Variants in PLEKHA7 observed in about 807,000 individuals in gnomAD.
PLEKHA7 encodes pleckstrin homology domain-containing family A member 7.
Under a neutral mutation model 170.0 loss-of-function variants are expected in PLEKHA7, and 104 were observed. The observed-to-expected ratio is 0.61, with a 90% CI of 0.52 to 0.72. The LOEUF (loss-of-function observed/expected upper bound fraction) is 0.72. PLEKHA7 is among the 30% of genes least tolerant of loss of function. The pLI, the probability that PLEKHA7 is intolerant of heterozygous loss-of-function variation, is 0.00. For synonymous variants in PLEKHA7, 648 were observed against 660.8 expected, an observed-to-expected ratio of 0.98 and a Z score of 0.30; for missense variants, 1,615 against 1,671.7, an observed-to-expected ratio of 0.97 and a Z score of 0.59.
At chr11:16,806,748 C>T (rs1397597850) in intron 13 of PLEKHA7, among the ~76,000 whole-genome samples, 1 of 152,222 alleles carries the variant, frequency 6.6e-6, no homozygotes, top group East Asian at 1.9e-4. Flanking sequence ...CTCAGGGCCA[C>T]CGTGGCATCT....
intron 9 of PLEKHA7, among the ~76,000 whole-genome samples, chr11:16,836,291 G>C (rs1336364991): frequency 2.0e-5 from 3 of 152,246 alleles, no homozygotes; most frequent in Non-Finnish European, 4.4e-5. Flanking sequence ...ATGACTTCTA[G>C]TGATACTGTC....
chr11:16,826,305 T>C lies in PLEKHA7; in HGVS notation c.1158A>G (p.Ala386=). ...DLPTGPRGQQ[A]QPQRAEKNGM... Reference sequence around the variant, plus strand: ...CATTCTTCTCTGCCCGTTGGGGCTGTGCCTGCTGGCCTCTTGGGCCAGTGG... The same window carrying C: ...CATTCTTCTCTGCCCGTTGGGGCTGCGCCTGCTGGCCTCTTGGGCCAGTGG... Residue 386 remains alanine (A), a synonymous_variant, in exon 10 of 27, where the codon GCA becomes GCG. Transcript: ENST00000531066. 3.1e-6 allele frequency: 5 copies of C among 1,614,266 alleles called. No individual in the cohort carries two copies. The highest frequency in any genetic ancestry group is 1.1e-5 in the South Asian group (1 of 91,088).
At chr11:16,858,908 T>C (rs1207975173) in intron 4 of PLEKHA7, among the ~76,000 whole-genome samples, 1 of 152,144 alleles carries the variant, frequency 6.6e-6, no homozygotes. Flanking sequence ...CTCCCCATAC[T>C]AGCTTCTGGG....
chr11:16,874,865 C>A (rs1316619031), intron 3 of PLEKHA7, among the ~76,000 whole-genome samples: 1 of 152,158 alleles, frequency 6.6e-6, no homozygotes, highest in Non-Finnish European at 1.5e-5. Context: ...GTGCCTGGGG[C>A]AGATCCAGCA....
intron 10 of PLEKHA7, among the ~76,000 whole-genome samples, chr11:16,825,007 T>C (rs1214997347): frequency 2.0e-5 from 3 of 152,228 alleles, no homozygotes; most frequent in Non-Finnish European, 2.9e-5. Flanking sequence ...TCATTCTCAG[T>C]TGGGAATGGG....
intron 3 of PLEKHA7, among the ~76,000 whole-genome samples, chr11:16,919,857 G>A (rs1858959556): frequency 6.6e-6 from 1 of 152,038 alleles, no homozygotes; most frequent in Non-Finnish European, 1.5e-5. Flanking sequence ...GATGAGAGAG[G>A]GAATGACAAA....
At chr11:16,884,335 A>G (rs924204916) in intron 3 of PLEKHA7, among the ~76,000 whole-genome samples, 3 of 152,254 alleles carry the variant, frequency 2.0e-5, no homozygotes, top group Non-Finnish European at 2.9e-5. Context: ...AAAATTTCAT[A>G]TAAAATTTCA....
At chr11:16,899,428 C>T (rs1590536121) in intron 3 of PLEKHA7, among the ~76,000 whole-genome samples, 2 of 152,092 alleles carry the variant, frequency 1.3e-5, no homozygotes, top group Non-Finnish European at 2.9e-5. Context: ...ACCTGGGAGG[C>T]GGAGGTTGTG....
chr11:16,780,751 T>A (rs181246109), intron 26 of PLEKHA7, among the ~76,000 whole-genome samples: 1 of 152,262 alleles, frequency 6.6e-6, no homozygotes, highest in East Asian at 1.9e-4. Context: ...CCACTGAGGA[T>A]TGAGTTCCTA....
chr11:16,961,457 C>A (rs1041992330), intron 3 of PLEKHA7, among the ~76,000 whole-genome samples: 2 of 152,246 alleles, frequency 1.3e-5, no homozygotes, highest in African/African-American at 4.8e-5. Context: ...AGCCAGGCAG[C>A]CAAGAGCTCC....
intron 10 of PLEKHA7, 40 bp downstream of exon 10, chr11:16,826,080 C>G (rs764701930): frequency 6.3e-7 from 1 of 1,575,980 alleles, no homozygotes; most frequent in Non-Finnish European, 8.7e-7. Flanking sequence ...ACTACATTAT[C>G]GTGCTCGTTA....
intron 3 of PLEKHA7, among the ~76,000 whole-genome samples, chr11:16,991,040 T>C (rs1330265056): frequency 6.6e-6 from 1 of 150,874 alleles, no homozygotes; most frequent in Admixed American, 6.6e-5. Context: ...CCAGAAGGGG[T>C]GACTGGAAGC....
chr11:16,879,614 G>A (rs1353674909), intron 3 of PLEKHA7, among the ~76,000 whole-genome samples: 1 of 152,190 alleles, frequency 6.6e-6, no homozygotes, highest in Non-Finnish European at 1.5e-5. Context: ...CCACCTGAGG[G>A]GCAGTTAGTA....
intron 4 of PLEKHA7, among the ~76,000 whole-genome samples, chr11:16,862,772 C>T (rs1043202383): frequency 6.6e-6 from 1 of 152,226 alleles, no homozygotes; most frequent in African/African-American, 2.4e-5. Flanking sequence ...TCTTCCCCTA[C>T]GTGCGACTAT....
rs1381584702 is a variant in PLEKHA7, at chr11:16,789,302, G to A, written c.3157-6C>T. 6.2e-7 allele frequency: 1 copy of A among 1,612,660 alleles called. No individual in the cohort carries two copies. Among genetic ancestry groups the A allele is most frequent in the Non-Finnish European group, 8.5e-7 (1 of 1,179,976 alleles). ...TCCAAGGCACTCTTAGGTCTCTGAG[G>A]AAGAGGAGGCAGGCAAGAGAGACAC... On this transcript the variant is annotated splice_polypyrimidine_tract_variant and splice_region_variant and intron_variant, in intron 22 of 26. Transcript: ENST00000531066. The surrounding 1 kb of genome is among the most constrained non-coding windows in gnomAD (Gnocchi z 4.6).
rs1327253201 is a variant in PLEKHA7 at position 16,989,840 on chromosome 11, A to G, written c.221+24149T>C. Among the ~76,000 whole-genome samples the G allele has an allele frequency of 4.6e-5, 7 of 152,176 alleles. No homozygotes were observed. The East Asian group carries it at 1.3e-3, about 29-fold the overall frequency. ...TAAGCTTTGTGGCTGTGTACTACAC[A>G]CAGCTCTAATCCCACTACATGGGCT... On this transcript the variant is annotated intron_variant, in intron 3 of 26. Transcript: ENST00000531066.
intron 26 of PLEKHA7, among the ~76,000 whole-genome samples, chr11:16,779,326 G>A (rs930223617): frequency 1.3e-5 from 2 of 152,316 alleles, no homozygotes; most frequent in South Asian, 2.1e-4. Context: ...TGTGGGTAGC[G>A]CTCTTGGCCT....
intron 3 of PLEKHA7, among the ~76,000 whole-genome samples, chr11:16,894,573 A>C (rs1856880015): frequency 1.3e-5 from 2 of 150,834 alleles, no homozygotes; most frequent in South Asian, 4.2e-4. Flanking sequence ...TGGAGCCTGA[A>C]CTAGGTTCCA....
intron 3 of PLEKHA7, among the ~76,000 whole-genome samples, chr11:16,937,073 A>C (rs1438797636): frequency 1.3e-5 from 2 of 152,194 alleles, no homozygotes; most frequent in African/African-American, 4.8e-5. Flanking sequence ...CAGGTTAATA[A>C]CCTGGAGTCG....
Sources: allele counts gnomAD v4.1 joint callset (sites outside exome capture counted in the v4.1 genomes callset), GRCh38; gene constraint gnomAD v4.1.1; non-coding constraint Gnocchi (gnomAD v3.1); transcripts MANE v1.5; gene names NCBI Gene and HGNC (gene_info 2026-07-23, HGNC 2026-07-21).